Variants in KALRN observed in about 807,000 individuals in gnomAD.
The protein encoded by KALRN is kalirin.
A neutral mutation model predicts 353.7 loss-of-function variants in KALRN; 70 were observed. That is an observed-to-expected ratio of 0.20 (90% CI 0.16 to 0.24). The LOEUF is 0.24. Ranked by LOEUF, KALRN falls within the 10% of genes least tolerant of loss-of-function variation. The pLI is 1.00. For missense variants in KALRN, 2,791 were observed against 3,756.7 expected (o/e 0.74, Z 6.72); for synonymous variants, 1,391 against 1,434.8 (o/e 0.97, Z 0.69).
At chr3:124,130,994 G>A (rs182032528) in intron 1 of KALRN, among the ~76,000 whole-genome samples, 1 of 152,286 alleles carries the variant, frequency 6.6e-6, no homozygotes, top group East Asian at 1.9e-4. Context: ...CTGGGTAGCT[G>A]TAAATGTTCT....
chr3:124,056,663 T>C (rs977395921), intron 1 of KALRN, among the ~76,000 whole-genome samples: 4 of 152,192 alleles, frequency 2.6e-5, no homozygotes, highest in Admixed American at 2.6e-4. Flanking sequence ...TTCTCAGACA[T>C]GACACACAAA....
chr3:124,128,838 T>C (rs1006483629), intron 1 of KALRN, among the ~76,000 whole-genome samples: 2 of 151,944 alleles, frequency 1.3e-5, no homozygotes. Flanking sequence ...TCCTGAAGAG[T>C]TCTGTGGTCC....
intron 10 of KALRN, among the ~76,000 whole-genome samples, chr3:124,356,871 G>A (rs1224336829): frequency 1.3e-5 from 2 of 152,182 alleles, no homozygotes; most frequent in Non-Finnish European, 1.5e-5. Flanking sequence ...AGTCTCAACA[G>A]CCACGCCTAC....
intron 14 of KALRN, among the ~76,000 whole-genome samples, chr3:124,421,793 T>C (rs1321243373): frequency 6.6e-6 from 1 of 152,194 alleles, no homozygotes; most frequent in African/African-American, 2.4e-5. Context: ...CTGCTGATGA[T>C]AACGTATAAA....
chr3:124,315,564 C>T (rs966766696), intron 6 of KALRN, among the ~76,000 whole-genome samples: 2 of 151,938 alleles, frequency 1.3e-5, no homozygotes, highest in African/African-American at 4.8e-5. Flanking sequence ...TTCTGGCTTC[C>T]GTCCACTGCT....
At chr3:124,192,675 AAAT>A (rs1291306800) in intron 1 of KALRN, among the ~76,000 whole-genome samples, 1 of 152,162 alleles carries the variant, frequency 6.6e-6, no homozygotes, top group Non-Finnish European at 1.5e-5. Flanking sequence ...ACAAAAATAA[AAAT>A]AAAAAAGGGG....
chr3:124,039,079 A>C (rs773862687), intron 1 of KALRN, among the ~76,000 whole-genome samples: 26 of 152,142 alleles, frequency 1.7e-4, no homozygotes, highest in African/African-American at 6.0e-4. Context: ...TACTTTCATC[A>C]CACCACTGCT....
intron 25 of KALRN, among the ~76,000 whole-genome samples, chr3:124,471,020 C>A (rs1171398516): frequency 6.6e-6 from 1 of 152,108 alleles, no homozygotes; most frequent in Non-Finnish European, 1.5e-5. Context: ...GAGAAAGTAA[C>A]CTGCTGCAGA....
At chr3:124,055,759 A>G (rs1401861666) in intron 1 of KALRN, among the ~76,000 whole-genome samples, 1 of 152,218 alleles carries the variant, frequency 6.6e-6, no homozygotes, top group Non-Finnish European at 1.5e-5. Context: ...ATCTGACTAC[A>G]GAGATGGCAC....
chr3:124,525,981 A>G (rs2067558138), intron 33 of KALRN, among the ~76,000 whole-genome samples: 2 of 152,182 alleles, frequency 1.3e-5, no homozygotes, highest in East Asian at 3.8e-4. Flanking sequence ...GTGTTGTAGA[A>G]TAAAAGTGAT....
intron 1 of KALRN, chr3:124,152,877 A>G (rs911038874): frequency 1.5e-5 from 3 of 198,166 alleles, no homozygotes; most frequent in African/African-American, 7.1e-5. Context: ...GGCCTCTCAA[A>G]GTGCTGGGAT....
At chr3:124,049,635 G>A (rs1335501343) in intron 1 of KALRN, among the ~76,000 whole-genome samples, 3 of 152,188 alleles carry the variant, frequency 2.0e-5, no homozygotes, top group African/African-American at 4.8e-5. Flanking sequence ...CTTGAGGACT[G>A]TACATTTTTT....
At chr3:124,615,382 A>G (rs1336571945) in intron 34 of KALRN, among the ~76,000 whole-genome samples, 2 of 152,210 alleles carry the variant, frequency 1.3e-5, no homozygotes, top group Non-Finnish European at 2.9e-5. Flanking sequence ...AACTGTCAAT[A>G]TTTGAAAAAA....
At chr3:124,144,296 G>A (rs1214060274) in intron 1 of KALRN, among the ~76,000 whole-genome samples, 1 of 152,022 alleles carries the variant, frequency 6.6e-6, no homozygotes, top group Non-Finnish European at 1.5e-5. Context: ...TCAGAACCTG[G>A]GGCAGCCCCA....
intron 59 of KALRN, among the ~76,000 whole-genome samples, chr3:124,717,858 C>T (rs929961291): frequency 1.3e-5 from 2 of 152,000 alleles, no homozygotes; most frequent in Non-Finnish European, 2.9e-5. Flanking sequence ...GTTGCCGAGG[C>T]TGAAGTGCAG....
At chr3:124,652,134 A>G (rs1051406142) in intron 38 of KALRN, among the ~76,000 whole-genome samples, 1 of 152,200 alleles carries the variant, frequency 6.6e-6, no homozygotes, top group Non-Finnish European at 1.5e-5. Context: ...AGCCACAGAC[A>G]TGAAAACTAG....
chr3:124,473,614 T>C (rs928510430), intron 25 of KALRN, among the ~76,000 whole-genome samples: 3 of 152,274 alleles, frequency 2.0e-5, no homozygotes, highest in Non-Finnish European at 2.9e-5. Flanking sequence ...TTTTCATAGC[T>C]GCATAGTATA....
intron 1 of KALRN, among the ~76,000 whole-genome samples, chr3:124,061,385 C>T (rs2041983273): frequency 6.6e-6 from 1 of 152,096 alleles, no homozygotes; most frequent in African/African-American, 2.4e-5. Context: ...CTCCAAATCC[C>T]ACAACATGTC....
At chr3:124,242,104 G>A (rs997345888) in intron 3 of KALRN, among the ~76,000 whole-genome samples, 1 of 152,202 alleles carries the variant, frequency 6.6e-6, no homozygotes. Flanking sequence ...TTTTCAGCAG[G>A]AGAATGACAA....
Sources: allele counts gnomAD v4.1 joint callset (sites outside exome capture counted in the v4.1 genomes callset), GRCh38; gene constraint gnomAD v4.1.1; transcripts MANE v1.5; gene names NCBI Gene and HGNC (gene_info 2026-07-23, HGNC 2026-07-21).